The following SPAG1 variants were observed in gnomAD, a reference collection of about 807,000 sequenced individuals.
SPAG1 encodes the protein sperm-associated antigen 1.
Under a neutral mutation model 100.5 loss-of-function variants are expected in SPAG1, and 69 were observed. The observed-to-expected ratio is 0.69, with a 90% CI of 0.57 to 0.84. The LOEUF (loss-of-function observed/expected upper bound fraction) is 0.84, where lower values mean the gene tolerates loss of function less well. Among genes scored for constraint, SPAG1 ranks in the 40% least tolerant of loss-of-function variants. The pLI is 0.00. For synonymous variants in SPAG1, 336 were observed against 411.6 expected (o/e 0.82, Z 2.22); for missense variants, 955 against 1,133.1 (o/e 0.84, Z 2.26).
chr8:100,206,969 G>A (rs902257946), intron 10 of SPAG1, among the ~76,000 whole-genome samples: 3 of 152,182 alleles, frequency 2.0e-5, no homozygotes, highest in African/African-American at 2.4e-5. Context: ...TAGGGATGCC[G>A]TTTGGAGCCT....
intron 8 of SPAG1, among the ~76,000 whole-genome samples, chr8:100,190,247 A>G (rs998446216): frequency 6.7e-6 from 1 of 149,966 alleles, no homozygotes; most frequent in Admixed American, 6.7e-5. Flanking sequence ...CGGGAGGCAG[A>G]GGTTGCAGTG....
intron 3 of SPAG1, among the ~76,000 whole-genome samples, chr8:100,169,134 T>C (rs1484624571): frequency 6.6e-6 from 1 of 152,214 alleles, no homozygotes; most frequent in Non-Finnish European, 1.5e-5. Context: ...AGGAAGTTTA[T>C]AGTTTTAATT....
chr8:100,216,136 T>C (rs2132367591), intron 12 of SPAG1, among the ~76,000 whole-genome samples: 1 of 152,304 alleles, frequency 6.6e-6, no homozygotes, highest in Middle Eastern at 3.4e-3. Flanking sequence ...CCTCCTTTTT[T>C]CTTTACCCAG....
chr8:100,215,970 G>T (rs368275620), intron 12 of SPAG1, among the ~76,000 whole-genome samples: 4 of 152,174 alleles, frequency 2.6e-5, no homozygotes, highest in Non-Finnish European at 4.4e-5. Flanking sequence ...ACATCAGACC[G>T]CATCCTCAGT....
rs1221142982 is a variant in SPAG1, at chr8:100,191,378, G to C, written c.833-12G>C. On this transcript the variant is annotated splice_polypyrimidine_tract_variant and intron_variant, in intron 8 of 18. Transcript: ENST00000388798. ...ATTAAAAAACATAACTTTTATATTG[G>C]TAAATTTTCAGCTCTTCTGCGTCGT... 1 of 1,583,046 alleles carries C rather than the reference G, an allele frequency of 6.3e-7. No individual in the cohort carries two copies. The highest frequency in any genetic ancestry group is 8.6e-7 in the Non-Finnish European group (1 of 1,157,670).
chr8:100,183,339 A>T, intron 4 of SPAG1, 36 bp from the exon 5 acceptor site: 2 of 925,484 alleles, frequency 2.2e-6, no homozygotes, highest in Middle Eastern at 2.8e-4. Context: ...ATCTTATATT[A>T]AATATGTCTC....
intron 16 of SPAG1, among the ~76,000 whole-genome samples, chr8:100,234,831 C>T (rs959184121): frequency 6.6e-6 from 1 of 152,040 alleles, no homozygotes; most frequent in Non-Finnish European, 1.5e-5. Flanking sequence ...GCTGAGGAGG[C>T]TGGACTTAAT....
At chr8:100,183,890 T>A in intron 5 of SPAG1, 66 bp from the exon 6 acceptor site, 1 of 747,654 alleles carries the variant, frequency 1.3e-6, no homozygotes, top group Non-Finnish European at 2.3e-6. Flanking sequence ...TATAAGAATA[T>A]CAATGATAAA....
intron 12 of SPAG1, among the ~76,000 whole-genome samples, chr8:100,216,919 G>A (rs1043586437): frequency 6.8e-6 from 1 of 147,110 alleles, no homozygotes; most frequent in African/African-American, 2.5e-5. Flanking sequence ...TCTTTGGAGA[G>A]TTCCATGAGT....
intron 14 of SPAG1, among the ~76,000 whole-genome samples, chr8:100,227,861 T>C (rs1818584856): frequency 6.7e-6 from 1 of 149,374 alleles, no homozygotes; most frequent in African/African-American, 2.5e-5. Flanking sequence ...TTTTTTTTTT[T>C]TTTGAGACAG....
At chr8:100,202,237 T>C (rs1817304870) in intron 10 of SPAG1, among the ~76,000 whole-genome samples, 1 of 152,020 alleles carries the variant, frequency 6.6e-6, no homozygotes, top group Non-Finnish European at 1.5e-5. Flanking sequence ...GGAAAAACAG[T>C]TTGTGAGAGT....
intron 3 of SPAG1, among the ~76,000 whole-genome samples, chr8:100,176,272 A>C (rs1244845609): frequency 6.6e-6 from 1 of 151,670 alleles, no homozygotes; most frequent in African/African-American, 2.4e-5. Context: ...TTATAGGTCC[A>C]TCATCTTCCT....
In SPAG1 at chr8:100,231,224, G is replaced by A. The variant is rs773145801; in HGVS notation, c.1924G>A (p.Ala642Thr). 1.2e-5 allele frequency: 19 copies of A among 1,604,956 alleles called. No individual in the cohort carries two copies. In the South Asian group the frequency reaches 1.6e-4, roughly 13 times the overall value. ...QCVNDKNYKD[A>T]LSKYSECLKI... is the part of the protein sequence containing the mutation. ...TGTAAATGACAAAAACTATAAAGAC[G>A]CCCTCAGTAAATACAGCGAATGCTT... is the stretch of plus-strand genomic sequence containing the variant. The change falls in exon 15 of 19, where the codon GCC (alanine) becomes ACC (threonine). Residue 642 changes from alanine (A) to threonine (T), a missense_variant. By Grantham distance (58) the Ala-to-Thr change is moderately conservative. Transcript: ENST00000388798.
intron 10 of SPAG1, among the ~76,000 whole-genome samples, chr8:100,204,342 CTGTT>C (rs368280977): frequency 7.9e-5 from 12 of 152,084 alleles, no homozygotes; most frequent in African/African-American, 2.7e-4. Flanking sequence ...TCAAAAATAA[CTGTT>C]TGAGTTCTCT....
At chr8:100,220,256 T>C in intron 12 of SPAG1, 23 bp from the exon 13 acceptor site, 1 of 1,595,714 alleles carries the variant, frequency 6.3e-7, no homozygotes. Context: ...ACAAATGGTA[T>C]GTAATATTTT....
intron 10 of SPAG1, among the ~76,000 whole-genome samples, chr8:100,207,606 T>C (rs1199338381): frequency 6.6e-6 from 1 of 152,248 alleles, no homozygotes; most frequent in Non-Finnish European, 1.5e-5. Context: ...TGTGTGATTA[T>C]ACACTGATTC....
rs3802149 is a variant in SPAG1 at position 100,191,509 on chromosome 8, T to C, written c.939+13T>C. 309,401 of 1,548,334 alleles carry C rather than the reference T, an allele frequency of 0.2. 32,478 individuals carry two copies. The highest frequency in any genetic ancestry group is 0.25 in the South Asian group (21,841 of 88,654). ...TGATTTGGCCAAGGTAAGTATAGAA[T>C]GTGATTTCTCACCTAATTCTGTAGT... On this transcript the variant is annotated intron_variant, in intron 9 of 18. Transcript: ENST00000388798.
At chr8:100,203,650 T>C (rs905906185) in intron 10 of SPAG1, among the ~76,000 whole-genome samples, 1 of 152,174 alleles carries the variant, frequency 6.6e-6, no homozygotes, top group African/African-American at 2.4e-5. Context: ...CCTTTGACCA[T>C]ATGTGGAGAA....
chr8:100,213,195 G>A lies in SPAG1; in HGVS notation c.1202G>A (p.Arg401Lys). ...GKAEGGKRPA[R>K]GAPQRGQTPE... is the part of the protein sequence containing the mutation. ...GCCGAAGGCGGCAAGCGGCCGGCAA[G>A]GGGCGCGCCGCAGCGGGGCCAGACC... Residue 401 changes from arginine to lysine, a missense_variant, in exon 11 of 19, where the codon AGG becomes AAG. Arg to Lys is a conservative substitution (Grantham distance 26). Coordinates refer to ENST00000388798, the MANE Select transcript of SPAG1 (RefSeq NM_003114.5). 1 of 1,462,860 alleles carries A rather than the reference G, an allele frequency of 6.8e-7. No homozygotes were observed. The highest frequency in any genetic ancestry group is 9.0e-7 in the Non-Finnish European group (1 of 1,112,554). The allele number at this position is 1,462,860 out of a possible 1,614,324, so 90.6% of individuals were successfully genotyped here.
Sources: allele counts gnomAD v4.1 joint callset (sites outside exome capture counted in the v4.1 genomes callset), GRCh38; gene constraint gnomAD v4.1.1; transcripts MANE v1.5; gene names NCBI Gene and HGNC (gene_info 2026-07-23, HGNC 2026-07-21).